SOX5: variants seen among roughly 807,000 people sequenced by gnomAD.
SOX5 encodes transcription factor SOX-5.
In SOX5, 9 loss-of-function variants were observed where a neutral mutation model predicts 92.0. That is an observed-to-expected ratio of 0.10 (90% CI 0.06 to 0.17). The LOEUF (loss-of-function observed/expected upper bound fraction) is 0.17. Ranked by LOEUF, SOX5 falls within the 10% of genes least tolerant of loss-of-function variation. The pLI, the probability that SOX5 is intolerant of heterozygous loss-of-function variation, is 1.00. For missense variants in SOX5, 642 were observed against 944.5 expected (o/e 0.68, Z 4.20); for synonymous variants, 344 against 336.3 (o/e 1.02, Z -0.25).
At chr12:24,285,678 A>G in intron 2 of SOX5, among the ~76,000 whole-genome samples, 1 of 152,204 alleles carries the variant, frequency 6.6e-6, no homozygotes, top group East Asian at 1.9e-4. Flanking sequence ...CTTAGACAAG[A>G]CATGTTTAAC....
At chr12:24,281,009 A>T (rs1945119695) in intron 2 of SOX5, among the ~76,000 whole-genome samples, 1 of 950 alleles carries the variant, frequency 1.1e-3, no homozygotes, top group Non-Finnish European at 0.25. Context: ...GAGAGGAAAG[A>T]AAAAAAAAAA....
intron 4 of SOX5, among the ~76,000 whole-genome samples, chr12:24,057,222 A>G (rs922623849): frequency 6.6e-6 from 1 of 152,060 alleles, no homozygotes; most frequent in African/African-American, 2.4e-5. Flanking sequence ...GAAGACACAA[A>G]GACTCATATA....
At position 23,529,693 on chromosome 12, in the gene SOX5, A is replaced by G; in HGVS notation, c.*4526T>C. ...TATTGTGGCATGAATGATAACATAA[A>G]ACCAAAAACATGAAAATATACAACT... On this transcript the variant is annotated 3_prime_UTR_variant, in exon 15 of 15. Transcript: ENST00000451604. The G allele has an allele frequency of 6.6e-6, 1 of 152,164 alleles. No individual in the cohort carries two copies. Among genetic ancestry groups the G allele is most frequent in the East Asian group, 1.9e-4 (1 of 5,206 alleles). The allele number at this position is 152,164 out of a possible 1,614,324, so 9.4% of individuals were successfully genotyped here. A position where few individuals can be genotyped will look rare whatever the true frequency, so the allele number is the denominator to read the frequency against.
chr12:24,106,441 T>C (rs1356111529), intron 4 of SOX5, among the ~76,000 whole-genome samples: 1 of 152,146 alleles, frequency 6.6e-6, no homozygotes, highest in South Asian at 2.1e-4. Flanking sequence ...CGTAAAATAA[T>C]TCATGTGAAA....
chr12:23,825,215 G>C (rs1335807838), intron 3 of SOX5, among the ~76,000 whole-genome samples: 1 of 152,184 alleles, frequency 6.6e-6, no homozygotes, highest in Non-Finnish European at 1.5e-5. Context: ...GGGCCCTGGT[G>C]GTATAGGCAC....
intron 1 of SOX5, among the ~76,000 whole-genome samples, chr12:24,541,175 C>T (rs551712744): frequency 8.5e-5 from 13 of 152,310 alleles, no homozygotes; most frequent in African/African-American, 2.6e-4. Context: ...TACTTTTTCA[C>T]ACATTATTGT....
intron 11 of SOX5, among the ~76,000 whole-genome samples, chr12:23,547,102 G>T (rs1943284412): frequency 6.6e-6 from 1 of 152,092 alleles, no homozygotes; most frequent in Non-Finnish European, 1.5e-5. Flanking sequence ...GTTTAAGCAT[G>T]CAGTGCACGA....
intron 3 of SOX5, among the ~76,000 whole-genome samples, chr12:23,762,208 C>T (rs980115275): frequency 1.3e-5 from 2 of 152,068 alleles, no homozygotes; most frequent in African/African-American, 2.4e-5. Flanking sequence ...TACAGCTAGT[C>T]GGCCACTGGA....
At position 23,532,907 on chromosome 12, in the gene SOX5, A is replaced by G. The variant is rs75979655; in HGVS notation, c.*1312T>C. 0.17 allele frequency: 28,291 copies of G among 163,230 alleles called. 2,980 individuals are homozygous for G. Among genetic ancestry groups the G allele is most frequent in the African/African-American group, 0.3 (12,439 of 41,772 alleles). 10.1% of individuals were successfully genotyped at this position (163,230 alleles called of 1,614,324 possible). A position where few individuals can be genotyped will look rare whatever the true frequency, so the allele number is the denominator to read the frequency against. On this transcript the variant is annotated 3_prime_UTR_variant, in exon 15 of 15. Transcript: ENST00000451604. ...AATGAAAACAATGATTGTTTTGCTC[A>G]AAATATCAACAGGAAAAACAAAAAT...
intron 4 of SOX5, among the ~76,000 whole-genome samples, chr12:24,118,046 A>G (rs1055016986): frequency 6.6e-6 from 1 of 151,508 alleles, no homozygotes. Context: ...AAAGAAAAAA[A>G]AAATCTGTCT....
At chr12:24,046,442 T>C (rs1957033961) in intron 4 of SOX5, among the ~76,000 whole-genome samples, 1 of 152,198 alleles carries the variant, frequency 6.6e-6, no homozygotes, top group Non-Finnish European at 1.5e-5. Context: ...ATGAGTTATC[T>C]GGCAGAAGAA....
At chr12:23,747,490 C>G (rs971290960) in intron 4 of SOX5, among the ~76,000 whole-genome samples, 1 of 152,144 alleles carries the variant, frequency 6.6e-6, no homozygotes, top group Non-Finnish European at 1.5e-5. Context: ...TGGTGTGGCC[C>G]TTGCCTTCTT....
chr12:24,230,274 G>A (rs548525764), intron 3 of SOX5, among the ~76,000 whole-genome samples: 2 of 152,248 alleles, frequency 1.3e-5, no homozygotes, highest in Admixed American at 6.5e-5. Flanking sequence ...GTCATTAGCT[G>A]AGACCTTGCT....
intron 3 of SOX5, among the ~76,000 whole-genome samples, chr12:24,273,967 G>A (rs1944110887): frequency 6.6e-6 from 1 of 152,070 alleles, no homozygotes; most frequent in African/African-American, 2.4e-5. Context: ...TCTGTTTGCA[G>A]CTTCATTTCA....
intron 1 of SOX5, among the ~76,000 whole-genome samples, chr12:24,499,869 T>C (rs568445325): frequency 6.6e-6 from 1 of 152,170 alleles, no homozygotes; most frequent in South Asian, 2.1e-4. Flanking sequence ...AAGTATAAAG[T>C]TGAACATGAT....
chr12:23,884,157 A>C (rs2097032897), intron 2 of SOX5, among the ~76,000 whole-genome samples: 1 of 152,182 alleles, frequency 6.6e-6, no homozygotes, highest in African/African-American at 2.4e-5. Flanking sequence ...ACGTGTCTTG[A>C]CTACTTTAAA....
intron 4 of SOX5, among the ~76,000 whole-genome samples, chr12:24,182,839 G>A (rs1356401492): frequency 2.0e-5 from 3 of 151,978 alleles, no homozygotes; most frequent in East Asian, 1.9e-4. Context: ...TCAGCCTCCC[G>A]AATAGCTGGA....
At chr12:23,704,711 T>TATATATATATAC (rs1220057297) in intron 6 of SOX5, among the ~76,000 whole-genome samples, 2 of 119,360 alleles carry the variant, frequency 1.7e-5, no homozygotes, top group South Asian at 2.5e-4. Flanking sequence ...TATATATATA[T>TATATATATATAC]ATATACACAC....
chr12:24,455,082 T>C (rs1942842667), intron 1 of SOX5, among the ~76,000 whole-genome samples: 1 of 152,360 alleles, frequency 6.6e-6, no homozygotes, highest in South Asian at 2.1e-4. Context: ...CCTTAGATAG[T>C]GGATCAAGTT....
Sources: allele counts gnomAD v4.1 joint callset (sites outside exome capture counted in the v4.1 genomes callset), GRCh38; gene constraint gnomAD v4.1.1; transcripts MANE v1.5; gene names NCBI Gene and HGNC (gene_info 2026-07-23, HGNC 2026-07-21).